The following ENO1 variants were observed in gnomAD, a reference collection of about 807,000 sequenced individuals.
ENO1 encodes the protein alpha-enolase.
ENO1 carries 33 observed loss-of-function variants against 46.3 expected under a neutral mutation model. That is an observed-to-expected ratio of 0.71 (90% CI 0.54 to 0.95). ENO1 has a LOEUF of 0.95. Among genes scored for constraint, ENO1 ranks in the 40% least tolerant of loss-of-function variants. ENO1 has a pLI of 0.00. For synonymous variants in ENO1, 220 were observed against 216.0 expected (o/e 1.02, Z -0.16); for missense variants, 488 against 553.3 (o/e 0.88, Z 1.18).
intron 5 of ENO1, 143 bp from the exon 6 acceptor site, chr1:8,867,393 C>G: frequency 1.6e-6 from 2 of 1,218,122 alleles, no homozygotes; most frequent in Non-Finnish European, 2.3e-6. Context: ...ATACAAATAG[C>G]ATTCTATGTG....
chr1:8,864,640 C>T (rs1642473767), intron 8 of ENO1, among the ~76,000 whole-genome samples: 1 of 152,140 alleles, frequency 6.6e-6, no homozygotes, highest in Non-Finnish European at 1.5e-5. Flanking sequence ...AAGAAGAGGA[C>T]ACTTTTTGTC....
intron 3 of ENO1, chr1:8,870,951 C>A (rs1349628940): frequency 1.6e-6 from 2 of 1,247,318 alleles, no homozygotes; most frequent in Non-Finnish European, 2.0e-6. Flanking sequence ...TTAAGGACTG[C>A]GAGTGAGAGA....
At chr1:8,875,329 A>G (rs892310329) in intron 1 of ENO1, among the ~76,000 whole-genome samples, 2 of 152,110 alleles carry the variant, frequency 1.3e-5, no homozygotes, top group African/African-American at 2.4e-5. Context: ...AAGAGAGAGA[A>G]AAAGCCCACA....
chr1:8,865,141 G>T, intron 8 of ENO1, 144 bp downstream of exon 8: 2 of 992,072 alleles, frequency 2.0e-6, no homozygotes, highest in Non-Finnish European at 3.0e-6. Context: ...GGCAAACCCA[G>T]TGGTGAATCC....
intron 3 of ENO1, chr1:8,871,083 G>C (rs1642622868): frequency 8.2e-7 from 1 of 1,221,750 alleles, no homozygotes; most frequent in East Asian, 3.2e-5. Context: ...CTCCGGCTAA[G>C]TCCCCACGTA....
chr1:8,874,457 A>T lies in ENO1; in HGVS notation c.85+367T>A, dbSNP rs148583772. On this transcript the variant is annotated intron_variant, in intron 2 of 11. Coordinates refer to ENST00000234590, the MANE Select transcript of ENO1 (RefSeq NM_001428.5). ...GCCAGGTGTGGTGGTGCACACCTGT[A>T]GTCCCAGCTACTTGGGAGGCTGAGA... 2.9e-3 allele frequency among the ~76,000 whole-genome samples: 438 copies of T among 151,616 alleles called. 4 individuals are homozygous for T. Among genetic ancestry groups the T allele is most frequent in the African/African-American group, 8.4e-3 (347 of 41,352 alleles).
chr1:8,869,345 C>T (rs1642584750), intron 4 of ENO1, among the ~76,000 whole-genome samples: 1 of 152,130 alleles, frequency 6.6e-6, no homozygotes, highest in East Asian at 1.9e-4. Context: ...GTGGTGCAGA[C>T]AGAACGGTAA....
chr1:8,863,101 C>A, intron 10 of ENO1, 134 bp downstream of exon 10: 1 of 1,340,504 alleles, frequency 7.5e-7, no homozygotes. Flanking sequence ...TGCCCCCATT[C>A]TGTTCAGCCT....
In ENO1 at chr1:8,861,142, C is replaced by T; in HGVS notation, c.*218G>A. 3 of 520,040 alleles carry T rather than the reference C, an allele frequency of 5.8e-6. No homozygotes were observed. The South Asian group carries it at 8.5e-5, about 15-fold the overall frequency. 32.2% of individuals were successfully genotyped at this position (520,040 alleles called of 1,614,324 possible). A position where few individuals can be genotyped will look rare whatever the true frequency, so the allele number is the denominator to read the frequency against. ...GAGGCGAGAAAAACAATGACTTGGG[C>T]CAATTACACGACTGCAAAGCTAGAG... On this transcript the variant is annotated 3_prime_UTR_variant, in exon 12 of 12. Transcript: ENST00000234590.
At chr1:8,874,577 C>CAA (rs140269736) in intron 2 of ENO1, among the ~76,000 whole-genome samples, 16,372 of 51,442 alleles carry the variant, frequency 0.32, 3,458 homozygotes, top group Middle Eastern at 0.43. Context: ...GACTCCATCT[C>CAA]AAAAAAAAAA....
At chr1:8,869,980 C>T (rs1482192097) in intron 4 of ENO1, among the ~76,000 whole-genome samples, 1 of 152,198 alleles carries the variant, frequency 6.6e-6, no homozygotes, top group African/African-American at 2.4e-5. Flanking sequence ...GGGTGGGTTG[C>T]TGGGTCCCCA....
intron 7 of ENO1, chr1:8,866,017 G>A: frequency 2.5e-6 from 1 of 401,860 alleles, no homozygotes; most frequent in Non-Finnish European, 4.4e-6. Context: ...GGAGGCGGAA[G>A]TTGTAGTGAG....
At position 8,864,067 on chromosome 1, in the gene ENO1, G is replaced by A. The variant is rs746632819; in HGVS notation, c.891C>T (p.Asp297=). 1 of 1,614,066 alleles carries A rather than the reference G, an allele frequency of 6.2e-7. No homozygotes were observed. Among genetic ancestry groups the A allele is most frequent in the Non-Finnish European group, 8.5e-7 (1 of 1,180,006 alleles). The part of the protein sequence containing the change: ...YPVVSIEDPF[D]QDDWGAWQKF... ...TCTGCCAAGCTCCCCAGTCATCCTG[G>A]TCAAAGGGATCTTCGATAGACACCA... Residue 297 remains aspartate (D), a synonymous_variant, in exon 9 of 12, where the codon GAC becomes GAT. Transcript: ENST00000234590.
intron 1 of ENO1, among the ~76,000 whole-genome samples, chr1:8,876,493 C>G (rs1642734640): frequency 6.6e-6 from 1 of 152,148 alleles, no homozygotes; most frequent in African/African-American, 2.4e-5. Context: ...TCCCCCTGCC[C>G]CATCTCCAGG....
chr1:8,870,016 T>C (rs1642597867), intron 4 of ENO1, among the ~76,000 whole-genome samples: 1 of 152,202 alleles, frequency 6.6e-6, no homozygotes, highest in Non-Finnish European at 1.5e-5. Flanking sequence ...CAGCAGCTCT[T>C]TTATGTTTGA....
At chr1:8,870,834 C>G in intron 3 of ENO1, 1 of 1,357,896 alleles carries the variant, frequency 7.4e-7, no homozygotes, top group East Asian at 2.5e-5. Flanking sequence ...CCTGAGTGCA[C>G]AGGGCTGGTG....
At position 8,865,277 on chromosome 1, in the gene ENO1, A is replaced by C. The variant is rs369104241; in HGVS notation, c.865+8T>G. 20 of 1,613,516 alleles carry C rather than the reference A, an allele frequency of 1.2e-5. No homozygotes were observed. The highest frequency in any genetic ancestry group is 1.7e-5 in the Non-Finnish European group (20 of 1,179,610). The stretch of plus-strand genomic sequence containing the variant: ...AGGAAAGGGAGATGGCACTCGGGGA[A>C]CACTCACCTGGGTAGTCCTTGATGA... On this transcript the variant is annotated splice_region_variant and intron_variant, in intron 8 of 11. Coordinates refer to ENST00000234590, the MANE Select transcript of ENO1 (RefSeq NM_001428.5).
intron 2 of ENO1, among the ~76,000 whole-genome samples, chr1:8,872,877 G>C (rs1642662443): frequency 1.3e-5 from 2 of 152,180 alleles, no homozygotes; most frequent in South Asian, 4.1e-4. Context: ...ATAAATGTAA[G>C]AACTGAACCA....
At chr1:8,862,788 C>A in intron 11 of ENO1, 99 bp downstream of exon 11, 1 of 1,383,534 alleles carries the variant, frequency 7.2e-7, no homozygotes, top group African/African-American at 1.4e-5. Context: ...TGTACATGTT[C>A]CCAGAGCCAG....
Sources: allele counts gnomAD v4.1 joint callset (sites outside exome capture counted in the v4.1 genomes callset), GRCh38; gene constraint gnomAD v4.1.1; transcripts MANE v1.5; gene names NCBI Gene and HGNC (gene_info 2026-07-23, HGNC 2026-07-21).